ITPA: variants seen among roughly 807,000 people sequenced by gnomAD.
ITPA encodes inosine triphosphatase, also known as inosine triphosphate pyrophosphatase.
In ITPA, 29 loss-of-function variants were observed where a neutral mutation model predicts 29.6. That is an observed-to-expected ratio of 0.98 (90% CI 0.73 to 1.34). The LOEUF (loss-of-function observed/expected upper bound fraction) is 1.34, where lower values mean the gene tolerates loss of function less well. Ranked by LOEUF, ITPA falls within the 40% of genes most tolerant of loss-of-function variation. The pLI, the probability that ITPA is intolerant of heterozygous loss-of-function variation, is 0.00. For synonymous variants in ITPA, 103 were observed against 99.3 expected (o/e 1.04, Z -0.22); for missense variants, 241 against 251.5 (o/e 0.96, Z 0.28).
chr20:3,216,212 TGCAGTG>T (rs2067294683), intron 5 of ITPA, among the ~76,000 whole-genome samples: 1 of 142,030 alleles, frequency 7.0e-6, no homozygotes, highest in African/African-American at 2.7e-5. Context: ...CAGGCTGGAG[TGCAGTG>T]GCATGATCTC....
intron 1 of ITPA, among the ~76,000 whole-genome samples, chr20:3,211,492 T>TTTTGTTTGTTTGTTTG (rs145405860): frequency 3.2e-4 from 48 of 150,214 alleles, no homozygotes; most frequent in African/African-American, 1.1e-3. Context: ...TTTTGTTTTG[T>TTTTGTTTGTTTGTTTG]TTTGTTTGTT....
At chr20:3,226,989 T>A (rs2067561110), downstream of ITPA, among the ~76,000 whole-genome samples, 1 of 152,216 alleles carries the variant, frequency 6.6e-6, no homozygotes, top group South Asian at 2.1e-4. The surrounding 1 kb of genome is among the most constrained non-coding windows in gnomAD (Gnocchi z 4.4). Context: ...CCCTGCCCTG[T>A]AAAATCCAGG....
upstream of ITPA, chr20:3,209,390 C>A (rs1230204362): frequency 1.4e-6 from 1 of 735,114 alleles, no homozygotes. The surrounding 1 kb of genome is among the most constrained non-coding windows in gnomAD (Gnocchi z 4.6). Context: ...TAGGCCGCCA[C>A]CGCGAGCCCA....
chr20:3,204,518 G>C (rs767082047), upstream of ITPA: 21 of 1,548,102 alleles, frequency 1.4e-5, no homozygotes, highest in Non-Finnish European at 1.6e-5. Flanking sequence ...ACCAACCCTG[G>C]TGCAGCGGCA....
intron 6 of ITPA, among the ~76,000 whole-genome samples, chr20:3,219,746 C>A (rs866622976): frequency 0.015 from 1,723 of 114,904 alleles, 10 homozygotes; most frequent in Middle Eastern, 0.053. Context: ...ACTCCGTCTC[C>A]AAAAAAAAAA....
At chr20:3,215,223 A>T in intron 4 of ITPA, 58 bp from the exon 5 acceptor site, 1 of 1,551,650 alleles carries the variant, frequency 6.4e-7, no homozygotes, top group Non-Finnish European at 8.9e-7. Context: ...AGCCTGGAAA[A>T]GGTGGTAAGA....
chr20:3,217,846 A>AT (rs1429118321), intron 5 of ITPA, among the ~76,000 whole-genome samples: 1 of 151,518 alleles, frequency 6.6e-6, no homozygotes, highest in Non-Finnish European at 1.5e-5. Flanking sequence ...CTACATAATC[A>AT]TTTTTTGGAT....
At position 3,223,520 on chromosome 20, in the gene ITPA, C is replaced by T. The variant is rs2067522642; in HGVS notation, c.*58C>T. The T allele has an allele frequency of 1.5e-6, 2 of 1,348,046 alleles. No homozygotes were observed. The highest frequency in any genetic ancestry group is 2.9e-5 in the African/African-American group (2 of 69,756). 83.5% of individuals were successfully genotyped at this position (1,348,046 alleles called of 1,614,324 possible). On this transcript the variant is annotated 3_prime_UTR_variant, in exon 8 of 8. Transcript: ENST00000380113. ...GGATCTGGGGAGGGCTAGCCCAAAACCTCCCGCATCGGGCAGGCACCCCCT... is the reference window on the plus strand; with the variant it reads ...GGATCTGGGGAGGGCTAGCCCAAAATCTCCCGCATCGGGCAGGCACCCCCT...
chr20:3,221,926 C>T lies in ITPA; in HGVS notation c.488+9C>T. The T allele has an allele frequency of 6.2e-7, 1 of 1,612,840 alleles. No individual in the cohort carries two copies. Among genetic ancestry groups the T allele is most frequent in the Non-Finnish European group, 8.5e-7 (1 of 1,179,516 alleles). ...GATGGATATGAGCAGACGTAAGGAG[C>T]CCTGCTTTTCTTCCCTGGGGTGTGG... is the stretch of plus-strand genomic sequence containing the variant. On this transcript the variant is annotated intron_variant, in intron 7 of 7. Coordinates refer to ENST00000380113, the MANE Select transcript of ITPA (RefSeq NM_033453.4).
At chr20:3,212,736 A>G (rs1451975618) in intron 1 of ITPA, among the ~76,000 whole-genome samples, 1 of 152,162 alleles carries the variant, frequency 6.6e-6, no homozygotes, top group Non-Finnish European at 1.5e-5. Flanking sequence ...ACTGCTAGTA[A>G]TATTTTGGTT....
intron 1 of ITPA, among the ~76,000 whole-genome samples, chr20:3,212,126 G>T (rs1365470408): frequency 6.6e-6 from 1 of 151,924 alleles, no homozygotes; most frequent in African/African-American, 2.4e-5. Flanking sequence ...AGCTGTGTTT[G>T]TGCCACTGTA....
At chr20:3,211,470 G>C (rs1046741881) in intron 1 of ITPA, among the ~76,000 whole-genome samples, 2 of 148,944 alleles carry the variant, frequency 1.3e-5, no homozygotes, top group Non-Finnish European at 3.0e-5. Flanking sequence ...ACCTAGCCCA[G>C]CTGTGTTTTT....
In ITPA at chr20:3,213,152, C is replaced by G; in HGVS notation, c.67-17C>G. 1 of 1,612,818 alleles carries G rather than the reference C, an allele frequency of 6.2e-7. No individual in the cohort carries two copies. The highest frequency in any genetic ancestry group is 8.5e-7 in the Non-Finnish European group (1 of 1,178,786). Reference sequence around the variant, plus strand: ...ATCACTAGATGGTGATAAGTGTTCTCTTTTCTCTTGGAACAGGTCGTTCAG... The same window carrying G: ...ATCACTAGATGGTGATAAGTGTTCTGTTTTCTCTTGGAACAGGTCGTTCAG... On this transcript the variant is annotated splice_polypyrimidine_tract_variant and intron_variant, in intron 1 of 7. Coordinates refer to ENST00000380113, the MANE Select transcript of ITPA (RefSeq NM_033453.4).
chr20:3,205,830 G>A (rs113963516), upstream of ITPA, among the ~76,000 whole-genome samples: 505 of 152,218 alleles, frequency 3.3e-3, 2 homozygotes, highest in Non-Finnish European at 5.4e-3. Flanking sequence ...CGAGGTGGGC[G>A]GATCACTTCA....
intron 1 of ITPA, among the ~76,000 whole-genome samples, chr20:3,212,908 T>C (rs908747840): frequency 3.3e-5 from 5 of 151,898 alleles, no homozygotes; most frequent in Admixed American, 6.6e-5. Flanking sequence ...TCTGGGAGCA[T>C]TGAGAAGAGA....
At chr20:3,219,023 GTTTAT>G in intron 6 of ITPA, 2 of 223,262 alleles carry the variant, frequency 9.0e-6, no homozygotes, top group South Asian at 6.2e-5. Context: ...ATTTTTTTCT[GTTTAT>G]TTTATTTATT....
chr20:3,218,269 G>A (rs1316585143), intron 5 of ITPA, among the ~76,000 whole-genome samples: 1 of 152,192 alleles, frequency 6.6e-6, no homozygotes, highest in Non-Finnish European at 1.5e-5. Context: ...ACACTGCATT[G>A]GCTAGTTTTC....
At chr20:3,216,727 C>T (rs990661172) in intron 5 of ITPA, among the ~76,000 whole-genome samples, 2 of 152,244 alleles carry the variant, frequency 1.3e-5, no homozygotes, top group East Asian at 3.9e-4. Flanking sequence ...GCTGGGTTTA[C>T]AGGCGTGATC....
chr20:3,212,040 A>C (rs556503530), intron 1 of ITPA, among the ~76,000 whole-genome samples: 1 of 152,156 alleles, frequency 6.6e-6, no homozygotes, highest in Admixed American at 6.5e-5. Flanking sequence ...TAGCCTAAGC[A>C]TGGTACCTGG....
Sources: gnomAD v4.1 joint callset for allele counts (sites outside exome capture counted in the v4.1 genomes callset) on GRCh38, gnomAD v4.1.1 for gene constraint, Gnocchi (gnomAD v3.1) non-coding constraint, MANE v1.5 for transcripts, NCBI Gene and HGNC (gene_info 2026-07-23, HGNC 2026-07-21) for gene names.